The following SYCE1 variants were observed in gnomAD, a reference collection of about 807,000 sequenced individuals.
SYCE1 encodes the protein cancer/testis antigen 76.
Under a neutral mutation model 55.1 loss-of-function variants are expected in SYCE1, and 37 were observed. That is an observed-to-expected ratio of 0.67 (90% CI 0.52 to 0.88). The LOEUF (loss-of-function observed/expected upper bound fraction) is 0.88. Ranked by LOEUF, SYCE1 falls within the 40% of genes least tolerant of loss-of-function variation. The pLI is 0.00. For missense variants in SYCE1, 399 were observed against 416.4 expected (o/e 0.96, Z 0.36); for synonymous variants, 163 against 159.4 (o/e 1.02, Z -0.17).
upstream of SYCE1, chr10:133,568,208 C>G: frequency 8.6e-7 from 1 of 1,160,074 alleles, no homozygotes; most frequent in Non-Finnish European, 1.2e-6. Context: ...GATGCCGAGC[C>G]GGTCCTGTTG....
chr10:133,563,645 G>T (rs1851862987), intron 1 of SYCE1, among the ~76,000 whole-genome samples: 1 of 148,934 alleles, frequency 6.7e-6, no homozygotes, highest in South Asian at 2.1e-4. Flanking sequence ...AGCAGTGATT[G>T]TACCACTGCA....
In SYCE1 at chr10:133,556,760, TG is replaced by T. The variant is rs1408168399; in HGVS notation, c.526del (p.His176ThrfsTer34). 2 of 1,563,054 alleles carry T rather than the reference TG, an allele frequency of 1.3e-6. No homozygotes were observed. The highest frequency in any genetic ancestry group is 1.4e-5 in the African/African-American group (1 of 73,554). On this transcript the variant is annotated frameshift_variant and splice_region_variant, in exon 8 of 13. Transcript: ENST00000343131. LOFTEE classifies it high-confidence loss of function. ...GAGGAGTGGCTTTGAGGGACTCACG[TG>T]GAAGTCCCAGAGGTCCTTGTGCTGG... ...MGQHKDLWDF[H>X]MPERLAKEIC...
chr10:133,555,460 G>A (rs762993738), intron 11 of SYCE1, 22 bp from the exon 12 acceptor site: 1 of 1,613,574 alleles, frequency 6.2e-7, no homozygotes, highest in Admixed American at 1.7e-5. Flanking sequence ...GAGGTAGGAT[G>A]GGGGAAGGAA....
At chr10:133,566,251 G>A (rs1022300361), upstream of SYCE1, among the ~76,000 whole-genome samples, 19 of 152,220 alleles carry the variant, frequency 1.2e-4, no homozygotes, top group Non-Finnish European at 2.2e-4. Flanking sequence ...AGGGGAGGCC[G>A]CGATGCATCG....
At chr10:133,565,334 C>A in intron 1 of SYCE1, 123 bp downstream of exon 1, 1 of 889,210 alleles carries the variant, frequency 1.1e-6, no homozygotes, top group Non-Finnish European at 1.6e-6. Flanking sequence ...TGAAGAAACC[C>A]GCTAAGTCTC....
chr10:133,554,653 A>C, downstream of SYCE1: 1 of 721,056 alleles, frequency 1.4e-6, no homozygotes, highest in African/African-American at 1.7e-5. Flanking sequence ...TTTTTTTTTT[A>C]ATTTCAGGGA....
At chr10:133,563,340 T>G (rs1173473335) in intron 1 of SYCE1, among the ~76,000 whole-genome samples, 4 of 152,110 alleles carry the variant, frequency 2.6e-5, no homozygotes, top group Non-Finnish European at 2.9e-5. Context: ...TTAAATAAAT[T>G]ATAGCACATA....
At chr10:133,564,491 C>T in intron 1 of SYCE1, 2 of 932,650 alleles carry the variant, frequency 2.1e-6, no homozygotes, top group South Asian at 5.0e-5. Flanking sequence ...GAAAGGGATA[C>T]GTTTGCGTCT....
At chr10:133,565,676 G>A (rs757442198), upstream of SYCE1, 2 of 756,378 alleles carry the variant, frequency 2.6e-6, no homozygotes, top group African/African-American at 3.6e-5. Context: ...TTCTCCGGCA[G>A]GCCTGCGTGG....
At chr10:133,562,925 A>T (rs1851847903) in intron 1 of SYCE1, among the ~76,000 whole-genome samples, 1 of 151,924 alleles carries the variant, frequency 6.6e-6, no homozygotes. Flanking sequence ...TGGGGATTAC[A>T]ATTCAACATA....
At chr10:133,565,601 G>A (rs1410641351), upstream of SYCE1, 5 of 1,462,552 alleles carry the variant, frequency 3.4e-6, no homozygotes, top group African/African-American at 5.6e-5. Context: ...CCGCCGCTGG[G>A]GGCAGGACTC....
intron 1 of SYCE1, among the ~76,000 whole-genome samples, chr10:133,562,434 G>C (rs913787060): frequency 8.6e-5 from 13 of 151,882 alleles, no homozygotes; most frequent in African/African-American, 2.9e-4. Context: ...TAGTTCTGCT[G>C]TCTCTCCTTT....
At position 133,555,016 on chromosome 10, in the gene SYCE1, A is replaced by C. The variant is rs369957692; in HGVS notation, c.1032T>G (p.Phe344Leu). The change falls in exon 13 of 13, where the codon TTT becomes TTG. Residue 344 changes from phenylalanine to leucine, a missense_variant. Transcript: ENST00000343131. ...ATCAAAATAGCTCCTTTATTTCCTG[A>C]AAGCCCCTTGGGCTAAGGTCGGGGT... is the stretch of plus-strand genomic sequence containing the variant. Reference protein sequence around the residue: ...TLHPDLSPRGFQEIKELF With the variant: ...TLHPDLSPRGLQEIKELF 1.3e-5 allele frequency: 20 copies of C among 1,549,858 alleles called. No homozygotes were observed. The South Asian group carries it at 2.3e-4, about 18-fold the overall frequency.
upstream of SYCE1, chr10:133,568,043 G>T: frequency 1.6e-6 from 1 of 626,004 alleles, no homozygotes; most frequent in Non-Finnish European, 3.0e-6. Flanking sequence ...GAGGATCCTG[G>T]GGGACGGTGC....
chr10:133,555,113 AGG>A lies in SYCE1; in HGVS notation c.933_934del (p.Leu312LysfsTer14), dbSNP rs35583653. The stretch of plus-strand genomic sequence containing the variant: ...TGCAGCTCCAGGTCTTTCTCCTTTT[AGG>A]GGCTTGGGACTGGCCTGCAGGAGGT... On this transcript the variant is annotated frameshift_variant, in exon 13 of 13. Coordinates refer to ENST00000343131, the MANE Select transcript of SYCE1 (RefSeq NM_001143764.3). LOFTEE classifies it low-confidence loss of function (END_TRUNC). 4.5e-6 allele frequency: 7 copies of A among 1,549,712 alleles called. No individual in the cohort carries two copies. The Admixed American group carries it at 1.4e-4, about 31-fold the overall frequency.
upstream of SYCE1, chr10:133,567,696 G>A (rs115561117): frequency 9.8e-3 from 2,107 of 215,724 alleles, 1 homozygote; most frequent in African/African-American, 0.046. Flanking sequence ...GGGTTACCAC[G>A]GCCCCTGGGC....
chr10:133,566,556 T>C (rs1246427523), upstream of SYCE1, among the ~76,000 whole-genome samples: 1 of 128,276 alleles, frequency 7.8e-6, no homozygotes, highest in African/African-American at 3.0e-5. Context: ...TGGGCTAGGG[T>C]CGGGGTAGGG....
At chr10:133,558,344 G>A in intron 4 of SYCE1, 130 bp from the exon 5 acceptor site, 1 of 991,076 alleles carries the variant, frequency 1.0e-6, no homozygotes, top group Non-Finnish European at 1.6e-6. Context: ...CTTGAGGTGA[G>A]CCCCTCCCTA....
In SYCE1 at chr10:133,555,615, T is replaced by C. The variant is rs1851649140; in HGVS notation, c.812A>G (p.Gln271Arg). 6.2e-7 allele frequency: 1 copy of C among 1,606,044 alleles called. No individual in the cohort carries two copies. The highest frequency in any genetic ancestry group is 8.5e-7 in the Non-Finnish European group (1 of 1,179,414). ...HQQLQQKCQQ[Q>R]QQKRQRLKEE... ...CACGCACCTCTGCCGCTTCTGCTGC[T>C]GTTGTTGGCACTTCTGCTGCAGCTG... Residue 271 changes from glutamine (Q) to arginine (R), a missense_variant, in exon 11 of 13, where the codon CAG becomes CGG. Transcript: ENST00000343131.
Sources: allele counts gnomAD v4.1 joint callset (sites outside exome capture counted in the v4.1 genomes callset), GRCh38; gene constraint gnomAD v4.1.1; transcripts MANE v1.5; gene names NCBI Gene and HGNC (gene_info 2026-07-23, HGNC 2026-07-21).